LAPTM4B: variants seen among roughly 807,000 people sequenced by gnomAD.
The protein encoded by LAPTM4B is lysosomal-associated transmembrane protein 4B.
A neutral mutation model predicts 28.5 loss-of-function variants in LAPTM4B; 26 were observed. That is an observed-to-expected ratio of 0.91 (90% CI 0.67 to 1.27). The LOEUF (loss-of-function observed/expected upper bound fraction) is 1.27, where lower values mean the gene tolerates loss of function less well. Among genes scored for constraint, LAPTM4B ranks in the 50% most tolerant of loss-of-function variants. LAPTM4B has a pLI of 0.00. For synonymous variants in LAPTM4B, 109 were observed against 106.4 expected (o/e 1.02, Z -0.15); for missense variants, 288 against 285.8 (o/e 1.01, Z -0.06).
intron 5 of LAPTM4B, among the ~76,000 whole-genome samples, chr8:97,824,122 C>G (rs758251277): frequency 2.6e-5 from 4 of 152,040 alleles, no homozygotes; most frequent in Non-Finnish European, 5.9e-5. Flanking sequence ...ATGAATAATG[C>G]TGCTGTGAAC....
intron 2 of LAPTM4B, among the ~76,000 whole-genome samples, chr8:97,811,293 C>G (rs1459882817): frequency 3.9e-5 from 6 of 152,080 alleles, no homozygotes; most frequent in Non-Finnish European, 8.8e-5. Flanking sequence ...AGATATATAC[C>G]CTAGGGAAAC....
chr8:97,776,671 G>T (rs1816223271), intron 1 of LAPTM4B, among the ~76,000 whole-genome samples: 1 of 150,700 alleles, frequency 6.6e-6, no homozygotes, highest in Non-Finnish European at 1.5e-5. Context: ...GGAGTTCTTG[G>T]CATCCTCTTG....
chr8:97,838,750 G>C (rs1477507909), intron 6 of LAPTM4B, among the ~76,000 whole-genome samples: 1 of 152,110 alleles, frequency 6.6e-6, no homozygotes, highest in African/African-American at 2.4e-5. Flanking sequence ...CATTCAGACA[G>C]TTCTTCTCGA....
At chr8:97,776,508 G>A (rs916587464) in intron 1 of LAPTM4B, among the ~76,000 whole-genome samples, 1 of 152,274 alleles carries the variant, frequency 6.6e-6, no homozygotes, top group African/African-American at 2.4e-5. Flanking sequence ...GACGGCTGCG[G>A]ACGGAGCGGT....
chr8:97,786,615 C>T (rs541395886), intron 1 of LAPTM4B, among the ~76,000 whole-genome samples: 3 of 151,372 alleles, frequency 2.0e-5, no homozygotes, highest in African/African-American at 4.8e-5. Context: ...CGGAGAATCA[C>T]GTGAACCTGG....
At chr8:97,808,822 G>C (rs902267540) in intron 2 of LAPTM4B, among the ~76,000 whole-genome samples, 1 of 152,086 alleles carries the variant, frequency 6.6e-6, no homozygotes, top group Non-Finnish European at 1.5e-5. Context: ...GTAGCCAGGT[G>C]TGGTGGCGTG....
chr8:97,828,367 T>A (rs1817126806), intron 6 of LAPTM4B, among the ~76,000 whole-genome samples: 1 of 152,048 alleles, frequency 6.6e-6, no homozygotes, highest in South Asian at 2.1e-4. Context: ...ATGTCGAATT[T>A]AGTGATTAGT....
intron 6 of LAPTM4B, among the ~76,000 whole-genome samples, chr8:97,837,968 A>G (rs1185572064): frequency 2.6e-5 from 4 of 152,188 alleles, no homozygotes; most frequent in African/African-American, 4.8e-5. Context: ...TTTGATTTTA[A>G]AAGCCCAAAA....
intron 6 of LAPTM4B, among the ~76,000 whole-genome samples, chr8:97,841,072 G>T (rs542671449): frequency 1.5e-5 from 2 of 133,242 alleles, no homozygotes; most frequent in Admixed American, 7.6e-5. Context: ...AGACAGTGGG[G>T]AGCTGGGTAG....
intron 6 of LAPTM4B, among the ~76,000 whole-genome samples, chr8:97,830,269 G>A (rs994248992): frequency 6.6e-6 from 1 of 152,158 alleles, no homozygotes; most frequent in Non-Finnish European, 1.5e-5. Context: ...GAGAACGGGA[G>A]TGAGACCCAA....
chr8:97,834,710 T>C (rs1872015), intron 6 of LAPTM4B, among the ~76,000 whole-genome samples: 71,527 of 151,964 alleles, frequency 0.47, 17,102 homozygotes, highest in East Asian at 0.58. Flanking sequence ...AGGTGTGAGC[T>C]ACTGAGACCA....
At chr8:97,781,870 A>G (rs566764830) in intron 1 of LAPTM4B, among the ~76,000 whole-genome samples, 30 of 152,232 alleles carry the variant, frequency 2.0e-4, no homozygotes, top group African/African-American at 7.2e-4. Flanking sequence ...TTGTATTAAT[A>G]TACCACAATT....
At chr8:97,828,980 C>G (rs1424074801) in intron 6 of LAPTM4B, among the ~76,000 whole-genome samples, 1 of 152,126 alleles carries the variant, frequency 6.6e-6, no homozygotes, top group Admixed American at 6.6e-5. Context: ...GTGCAGGTGC[C>G]TGTCCGGTTA....
intron 1 of LAPTM4B, among the ~76,000 whole-genome samples, chr8:97,780,084 G>T (rs933870185): frequency 1.4e-5 from 2 of 143,114 alleles, no homozygotes; most frequent in East Asian, 2.1e-4. Flanking sequence ...GTAAAATAAA[G>T]AATAATAATA....
intron 1 of LAPTM4B, among the ~76,000 whole-genome samples, chr8:97,790,092 G>A (rs1426468872): frequency 1.3e-5 from 2 of 152,118 alleles, no homozygotes; most frequent in Non-Finnish European, 2.9e-5. Context: ...ATGTAACACA[G>A]TTTCTTTATC....
chr8:97,777,432 G>A (rs955845034), intron 1 of LAPTM4B, among the ~76,000 whole-genome samples: 1 of 152,012 alleles, frequency 6.6e-6, no homozygotes, highest in Non-Finnish European at 1.5e-5. Flanking sequence ...AGGCGTGAGT[G>A]AGCCACCGCG....
At chr8:97,788,855 C>T (rs903179348) in intron 1 of LAPTM4B, among the ~76,000 whole-genome samples, 21 of 151,544 alleles carry the variant, frequency 1.4e-4, no homozygotes, top group Admixed American at 5.9e-4. Context: ...TCACCACGTC[C>T]GGCTAATTTT....
chr8:97,790,821 C>CT, intron 1 of LAPTM4B, among the ~76,000 whole-genome samples: 1 of 152,180 alleles, frequency 6.6e-6, no homozygotes, highest in Non-Finnish European at 1.5e-5. Context: ...CTCACCGCAA[C>CT]TTTCGCCTCC....
chr8:97,838,353 C>G (rs916445174), intron 6 of LAPTM4B, among the ~76,000 whole-genome samples: 1 of 152,222 alleles, frequency 6.6e-6, no homozygotes, highest in Non-Finnish European at 1.5e-5. Flanking sequence ...GTACTCCTCT[C>G]TGCATCTCTT....
Sources: gnomAD v4.1 joint callset for allele counts (sites outside exome capture counted in the v4.1 genomes callset) on GRCh38, gnomAD v4.1.1 for gene constraint, MANE v1.5 for transcripts, NCBI Gene and HGNC (gene_info 2026-07-23, HGNC 2026-07-21) for gene names.